Variants in MAP3K20 observed in about 807,000 individuals in gnomAD.
MAP3K20 encodes HCCS-4.
A neutral mutation model predicts 85.7 loss-of-function variants in MAP3K20; 40 were observed. The observed-to-expected ratio is 0.47, with a 90% CI of 0.36 to 0.61. The LOEUF (loss-of-function observed/expected upper bound fraction) is 0.61. MAP3K20 is among the 20% of genes least tolerant of loss of function. The pLI, the probability that MAP3K20 is intolerant of heterozygous loss-of-function variation, is 0.00. For synonymous variants in MAP3K20, 325 were observed against 327.7 expected, an observed-to-expected ratio of 0.99 and a Z score of 0.09; for missense variants, 817 against 961.7, an observed-to-expected ratio of 0.85 and a Z score of 1.99.
chr2:173,236,722 G>A (rs78921906), intron 14 of MAP3K20, among the ~76,000 whole-genome samples: 1,893 of 152,236 alleles, frequency 0.012, 33 homozygotes, highest in African/African-American at 0.043. Flanking sequence ...ATATGAGAGG[G>A]AAAGATAAAG....
At chr2:173,244,516 G>GA (rs1419806683) in intron 16 of MAP3K20, among the ~76,000 whole-genome samples, 1 of 152,176 alleles carries the variant, frequency 6.6e-6, no homozygotes, top group Non-Finnish European at 1.5e-5. Flanking sequence ...GATAACAAGA[G>GA]AAAGTGTATG....
intron 2 of MAP3K20, among the ~76,000 whole-genome samples, chr2:173,146,443 CAT>C (rs1475650201): frequency 1.3e-5 from 2 of 152,126 alleles, no homozygotes; most frequent in African/African-American, 4.8e-5. Flanking sequence ...ATCCATGTAA[CAT>C]GTACAATTAA....
chr2:173,248,316 C>T (rs531885376), intron 16 of MAP3K20, among the ~76,000 whole-genome samples: 1 of 152,180 alleles, frequency 6.6e-6, no homozygotes, highest in East Asian at 1.9e-4. Flanking sequence ...GAGCCCCGTC[C>T]CTACCCTGTC....
intron 7 of MAP3K20, among the ~76,000 whole-genome samples, chr2:173,196,017 C>G (rs940428431): frequency 5.3e-5 from 8 of 152,110 alleles, no homozygotes; most frequent in Non-Finnish European, 1.0e-4. Context: ...TGTTGTCCCC[C>G]CAAACTCTTG....
intron 19 of MAP3K20, among the ~76,000 whole-genome samples, 198 bp downstream of exon 19, chr2:173,264,093 G>A (rs1369974851): frequency 1.3e-5 from 2 of 152,106 alleles, no homozygotes; most frequent in African/African-American, 2.4e-5. Flanking sequence ...AGGAGCATCG[G>A]GATCACCTGT....
chr2:173,262,482 C>T (rs1685320238), intron 18 of MAP3K20, among the ~76,000 whole-genome samples: 2 of 152,034 alleles, frequency 1.3e-5, no homozygotes, highest in Non-Finnish European at 2.9e-5. Context: ...TGCCTGTAAT[C>T]CCAGCTACTC....
At chr2:173,224,470 T>C (rs911389912) in intron 11 of MAP3K20, 1 of 985,402 alleles carries the variant, frequency 1.0e-6, no homozygotes. Flanking sequence ...AACAGGACTC[T>C]GTACTGGACC....
At chr2:173,197,955 T>A in intron 7 of MAP3K20, 71 bp from the exon 8 acceptor site, 1 of 1,358,584 alleles carries the variant, frequency 7.4e-7, no homozygotes, top group Non-Finnish European at 1.0e-6. Context: ...ACATGTTAGA[T>A]AAGGTCTCAG....
intron 11 of MAP3K20, chr2:173,222,803 C>G (rs1322977745): frequency 1.0e-6 from 1 of 985,218 alleles, no homozygotes; most frequent in East Asian, 1.1e-4. Context: ...TAGATACAGG[C>G]ACTGCTCTGA....
intron 16 of MAP3K20, among the ~76,000 whole-genome samples, chr2:173,244,777 C>T (rs759846591): frequency 3.3e-5 from 5 of 152,152 alleles, no homozygotes; most frequent in South Asian, 4.1e-4. Context: ...GTTCCCCACA[C>T]GAAAACCTTG....
chr2:173,109,729 G>A (rs1574020928), intron 2 of MAP3K20, among the ~76,000 whole-genome samples: 1 of 152,042 alleles, frequency 6.6e-6, no homozygotes, highest in East Asian at 1.9e-4. Context: ...AAGGGCACTG[G>A]CGCCAGGTAG....
intron 2 of MAP3K20, among the ~76,000 whole-genome samples, chr2:173,123,534 CAA>C (rs564316095): frequency 1.4e-3 from 218 of 152,268 alleles, no homozygotes; most frequent in African/African-American, 5.1e-3. Context: ...GGCTACTCAG[CAA>C]AAGTTTTCCA....
At chr2:173,121,529 G>T (rs1311985946) in intron 2 of MAP3K20, among the ~76,000 whole-genome samples, 1 of 152,090 alleles carries the variant, frequency 6.6e-6, no homozygotes, top group Admixed American at 6.5e-5. Context: ...TGGGACTACA[G>T]GCGCCCGCCA....
chr2:173,121,983 A>G (rs1039417836), intron 2 of MAP3K20, among the ~76,000 whole-genome samples: 8 of 152,218 alleles, frequency 5.3e-5, no homozygotes, highest in Non-Finnish European at 4.4e-5. Context: ...TGACATCCGC[A>G]GAGCATATAA....
intron 7 of MAP3K20, among the ~76,000 whole-genome samples, chr2:173,191,806 G>A (rs746618224): frequency 6.6e-6 from 1 of 152,190 alleles, no homozygotes; most frequent in Non-Finnish European, 1.5e-5. Flanking sequence ...TAATGAGGGG[G>A]TGGAGTGCTC....
chr2:173,139,255 A>G (rs1688897857), intron 2 of MAP3K20, among the ~76,000 whole-genome samples: 2 of 152,228 alleles, frequency 1.3e-5, no homozygotes, highest in African/African-American at 4.8e-5. Flanking sequence ...AGCTTTGGAA[A>G]GGACTTTAAT....
intron 2 of MAP3K20, among the ~76,000 whole-genome samples, chr2:173,161,834 A>G (rs942514646): frequency 6.6e-6 from 1 of 152,212 alleles, no homozygotes; most frequent in Non-Finnish European, 1.5e-5. Context: ...CCAGAGCCGT[A>G]TCGGGAGAAA....
At chr2:173,202,358 C>G (rs1459741184) in intron 8 of MAP3K20, among the ~76,000 whole-genome samples, 15 of 152,128 alleles carry the variant, frequency 9.9e-5, no homozygotes, top group Admixed American at 9.8e-4. Context: ...GTTTTCTTGT[C>G]AAGGCAACTA....
At chr2:173,127,736 CAA>C (rs5836401) in intron 2 of MAP3K20, among the ~76,000 whole-genome samples, 341 of 143,020 alleles carry the variant, frequency 2.4e-3, no homozygotes, top group African/African-American at 7.1e-3. Flanking sequence ...TATGTTAGGA[CAA>C]AAAAAAAAAA....
Sources: gnomAD v4.1 joint callset for allele counts (sites outside exome capture counted in the v4.1 genomes callset) on GRCh38, gnomAD v4.1.1 for gene constraint, MANE v1.5 for transcripts, NCBI Gene and HGNC (gene_info 2026-07-23, HGNC 2026-07-21) for gene names.